Variants in NPAS2 observed in about 807,000 individuals in gnomAD.
The protein encoded by NPAS2 is neuronal PAS domain protein 2.
A neutral mutation model predicts 107.5 loss-of-function variants in NPAS2; 23 were observed. The observed-to-expected ratio is 0.21, with a 90% confidence interval of 0.15 to 0.30. The LOEUF (loss-of-function observed/expected upper bound fraction) is 0.30, where lower values mean the gene tolerates loss of function less well. NPAS2 is among the 10% of genes least tolerant of loss of function. The pLI is 1.00. For synonymous variants in NPAS2, 403 were observed against 417.5 expected, an observed-to-expected ratio of 0.97 and a Z score of 0.42; for missense variants, 756 against 1,043.3, an observed-to-expected ratio of 0.72 and a Z score of 3.79.
chr2:100,927,993 A>G (rs1018184780), intron 3 of NPAS2, among the ~76,000 whole-genome samples: 1 of 152,216 alleles, frequency 6.6e-6, no homozygotes, highest in African/African-American at 2.4e-5. Flanking sequence ...GCAGGCAGTG[A>G]TGTGTCTCTT....
At chr2:100,920,569 G>A (rs567999861) in intron 2 of NPAS2, among the ~76,000 whole-genome samples, 23 of 152,218 alleles carry the variant, frequency 1.5e-4, no homozygotes, top group African/African-American at 5.5e-4. Context: ...GTTGGGCTAT[G>A]TGGCCCACAA....
chr2:100,866,791 C>G (rs1171688476), intron 1 of NPAS2, among the ~76,000 whole-genome samples: 1 of 152,184 alleles, frequency 6.6e-6, no homozygotes, highest in African/African-American at 2.4e-5. Flanking sequence ...AGTAACAAAT[C>G]AACATTCTCC....
At chr2:100,910,781 G>A (rs534936246) in intron 2 of NPAS2, among the ~76,000 whole-genome samples, 1 of 152,288 alleles carries the variant, frequency 6.6e-6, no homozygotes, top group Admixed American at 6.5e-5. Flanking sequence ...ACCTGTCTCA[G>A]CCTCCCATAA....
chr2:100,930,981 T>A (rs1683907336), intron 3 of NPAS2, among the ~76,000 whole-genome samples: 1 of 152,210 alleles, frequency 6.6e-6, no homozygotes, highest in Non-Finnish European at 1.5e-5. Flanking sequence ...ATAGCACATC[T>A]TCAGTCCCTC....
At chr2:100,877,797 A>G (rs1184095184) in intron 1 of NPAS2, among the ~76,000 whole-genome samples, 1 of 152,096 alleles carries the variant, frequency 6.6e-6, no homozygotes, top group Non-Finnish European at 1.5e-5. Context: ...GAACCCCATC[A>G]TTTGGCTCAA....
intron 1 of NPAS2, among the ~76,000 whole-genome samples, chr2:100,899,696 A>T (rs1362143860): frequency 6.6e-6 from 1 of 152,226 alleles, no homozygotes; most frequent in African/African-American, 2.4e-5. Flanking sequence ...TAATAAGTTT[A>T]TCTTATGTGT....
chr2:100,907,758 A>T (rs918014784), intron 2 of NPAS2, among the ~76,000 whole-genome samples: 5 of 152,180 alleles, frequency 3.3e-5, no homozygotes, highest in African/African-American at 1.2e-4. Context: ...TTGTTTGATC[A>T]AGTATTCCAA....
rs578076906 is a variant in NPAS2, at chr2:100,926,584, G to A, written c.181+1290G>A. 1.0e-3 allele frequency among the ~76,000 whole-genome samples: 159 copies of A among 151,992 alleles called. 1 individual carries two copies. Among genetic ancestry groups the A allele is most frequent in the Non-Finnish European group, 1.8e-3 (120 of 67,960 alleles). ...CTTTTCATGTACTTATTGGCTATTT[G>A]TGTATCTTCTTTGGAGAGATGTCCA... On this transcript the variant is annotated intron_variant, in intron 3 of 20. Coordinates refer to ENST00000335681, the MANE Select transcript of NPAS2 (RefSeq NM_002518.4).
intron 15 of NPAS2, among the ~76,000 whole-genome samples, chr2:100,978,349 C>T (rs1444088517): frequency 6.6e-6 from 1 of 152,024 alleles, no homozygotes; most frequent in Non-Finnish European, 1.5e-5. Context: ...TTTTTTAATT[C>T]TTTTAACAGT....
At chr2:100,848,826 G>A (rs1463377555) in intron 1 of NPAS2, among the ~76,000 whole-genome samples, 1 of 152,226 alleles carries the variant, frequency 6.6e-6, no homozygotes, top group Non-Finnish European at 1.5e-5. Flanking sequence ...ATTTTAGGCT[G>A]TACACTGGTT....
chr2:100,837,437 G>A lies in NPAS2; in HGVS notation c.-23+17023G>A, dbSNP rs551151399. 2.6e-5 allele frequency among the ~76,000 whole-genome samples: 4 copies of A among 152,176 alleles called. No homozygotes were observed. The South Asian group carries it at 6.2e-4, about 24-fold the overall frequency. ...TATTCTCCTGGGATTACAGGCATGC[G>A]CCATCACGTCCAGCTAATTTTTTTG... On this transcript the variant is annotated intron_variant, in intron 1 of 20. Transcript: ENST00000335681.
chr2:100,897,300 G>T (rs928981298), intron 1 of NPAS2, among the ~76,000 whole-genome samples: 2 of 152,174 alleles, frequency 1.3e-5, no homozygotes, highest in Non-Finnish European at 2.9e-5. Flanking sequence ...AATGGGTGAA[G>T]ATGCAATTTG....
chr2:100,921,032 T>C (rs1345178337), intron 2 of NPAS2, among the ~76,000 whole-genome samples: 1 of 152,192 alleles, frequency 6.6e-6, no homozygotes, highest in African/African-American at 2.4e-5. Flanking sequence ...GTGTGCTTAG[T>C]TTTTGTGCTA....
At chr2:100,880,888 A>C (rs964240938) in intron 1 of NPAS2, among the ~76,000 whole-genome samples, 1 of 152,218 alleles carries the variant, frequency 6.6e-6, no homozygotes, top group African/African-American at 2.4e-5. Context: ...TTTGCTCAGC[A>C]GGAAAAACTG....
intron 15 of NPAS2, among the ~76,000 whole-genome samples, chr2:100,978,526 A>AAAAGAAAGAAAGAAAGAAAGAAAGAAAG (rs137857480): frequency 6.6e-6 from 1 of 151,520 alleles, no homozygotes; most frequent in African/African-American, 2.4e-5. Context: ...TGTTTAAAAA[A>AAAAGAAAGAAAGAAAGAAAGAAAGAAAG]AAAGAAAGAA....
intron 1 of NPAS2, among the ~76,000 whole-genome samples, chr2:100,872,015 G>A (rs1679618711): frequency 6.6e-6 from 1 of 152,136 alleles, no homozygotes; most frequent in African/African-American, 2.4e-5. Context: ...TCTTGGGAAT[G>A]CAACAGCAAC....
At chr2:100,840,842 T>C (rs1190408186) in intron 1 of NPAS2, among the ~76,000 whole-genome samples, 1 of 151,410 alleles carries the variant, frequency 6.6e-6, no homozygotes, top group Non-Finnish European at 1.5e-5. Context: ...TTTAAAAAAA[T>C]GGAAAAGTGA....
At chr2:100,936,066 C>T (rs188409137) in intron 4 of NPAS2, among the ~76,000 whole-genome samples, 36 of 152,308 alleles carry the variant, frequency 2.4e-4, no homozygotes, top group African/African-American at 7.5e-4. Flanking sequence ...TCCAAGAGGA[C>T]GAGGTCCATT....
intron 1 of NPAS2, among the ~76,000 whole-genome samples, chr2:100,887,789 G>T (rs988508823): frequency 6.6e-6 from 1 of 152,032 alleles, no homozygotes; most frequent in Non-Finnish European, 1.5e-5. Context: ...GCTGGGTCTG[G>T]GATCAGCCGA....
Sources: allele counts gnomAD v4.1 joint callset (sites outside exome capture counted in the v4.1 genomes callset), GRCh38; gene constraint gnomAD v4.1.1; transcripts MANE v1.5; gene names NCBI Gene and HGNC (gene_info 2026-07-23, HGNC 2026-07-21).